Variants in STXBP5L observed in about 807,000 individuals in gnomAD.
STXBP5L encodes the protein syntaxin-binding protein 5-like.
Under a neutral mutation model 144.5 loss-of-function variants are expected in STXBP5L, and 65 were observed. The observed-to-expected ratio is 0.45, with a 90% confidence interval of 0.37 to 0.55. The LOEUF (loss-of-function observed/expected upper bound fraction) is 0.55. STXBP5L is among the 20% of genes least tolerant of loss of function. STXBP5L has a pLI of 0.00. For missense variants in STXBP5L, 1,298 were observed against 1,405.5 expected (o/e 0.92, Z 1.22); for synonymous variants, 505 against 469.6 (o/e 1.08, Z -0.97).
At position 121,157,432 on chromosome 3, in the gene STXBP5L, CT is replaced by C. The variant is rs372636884; in HGVS notation, c.754-69del. The C allele has an allele frequency of 4.0e-4, 557 of 1,403,288 alleles. 3 individuals are homozygous for C. In the East Asian group the frequency reaches 0.012, roughly 31 times the overall value. 86.9% of individuals were successfully genotyped at this position (1,403,288 alleles called of 1,614,324 possible). A position where few individuals can be genotyped will look rare whatever the true frequency, so the allele number is the denominator to read the frequency against. On this transcript the variant is annotated intron_variant, in intron 8 of 26. Coordinates refer to ENST00000471454, the MANE Select transcript of STXBP5L (RefSeq NM_001308330.2). Reference sequence around the variant, plus strand: ...ATAATTTTATATCAGAATAGTTTTTCTTTGGAATATAGAATGATATAACCTA... The same window carrying C: ...ATAATTTTATATCAGAATAGTTTTTCTTGGAATATAGAATGATATAACCTA...
At chr3:121,082,249 C>T (rs1306203515) in intron 5 of STXBP5L, among the ~76,000 whole-genome samples, 1 of 152,068 alleles carries the variant, frequency 6.6e-6, no homozygotes, top group African/African-American at 2.4e-5. Flanking sequence ...AATTCATGAA[C>T]ATAGTATGTC....
chr3:121,261,529 A>G (rs1336668338), intron 18 of STXBP5L, among the ~76,000 whole-genome samples: 1 of 152,180 alleles, frequency 6.6e-6, no homozygotes, highest in Non-Finnish European at 1.5e-5. Context: ...CAACCAAAAT[A>G]TAGATAAATC....
At chr3:121,002,561 T>C (rs1943874007) in intron 3 of STXBP5L, among the ~76,000 whole-genome samples, 1 of 152,220 alleles carries the variant, frequency 6.6e-6, no homozygotes, top group Admixed American at 6.5e-5. Context: ...GTTTATTTTG[T>C]TGTTGTTTTT....
At chr3:121,384,048 C>T (rs2046374112) in intron 22 of STXBP5L, among the ~76,000 whole-genome samples, 3 of 152,184 alleles carry the variant, frequency 2.0e-5, no homozygotes, top group Admixed American at 2.0e-4. Flanking sequence ...TAGGAAAATT[C>T]ATGAGTCAAA....
intron 9 of STXBP5L, among the ~76,000 whole-genome samples, chr3:121,191,804 T>A (rs566536275): frequency 2.6e-5 from 4 of 152,210 alleles, no homozygotes; most frequent in African/African-American, 9.6e-5. Context: ...TGCAGGGACA[T>A]GGATGAAGCT....
At chr3:121,072,574 C>T (rs769927974) in intron 5 of STXBP5L, among the ~76,000 whole-genome samples, 2 of 152,250 alleles carry the variant, frequency 1.3e-5, no homozygotes, top group Admixed American at 6.5e-5. Context: ...GTAACTTCCA[C>T]TCTCCTGCTC....
At chr3:121,258,960 G>A (rs961681350) in intron 17 of STXBP5L, 83 bp from the exon 18 acceptor site, 30 of 1,348,768 alleles carry the variant, frequency 2.2e-5, no homozygotes, top group Non-Finnish European at 2.8e-5. Flanking sequence ...TATTTCTGTA[G>A]CATGATTCTA....
At chr3:121,262,950 C>G (rs944374119) in intron 18 of STXBP5L, among the ~76,000 whole-genome samples, 1 of 152,186 alleles carries the variant, frequency 6.6e-6, no homozygotes, top group Non-Finnish European at 1.5e-5. Flanking sequence ...GATCTCCCAG[C>G]ACAGCGCTTG....
chr3:120,984,938 TCA>T (rs1418437833), intron 3 of STXBP5L, among the ~76,000 whole-genome samples: 3 of 152,104 alleles, frequency 2.0e-5, no homozygotes, highest in Admixed American at 6.6e-5. Context: ...TTTTTCCCAT[TCA>T]GTCTCTTATT....
intron 3 of STXBP5L, among the ~76,000 whole-genome samples, chr3:121,012,779 C>T (rs1944877314): frequency 6.6e-6 from 1 of 151,638 alleles, no homozygotes; most frequent in African/African-American, 2.4e-5. Context: ...TCTAATGATC[C>T]CATCACCCAA....
Position 121,117,079 on chromosome 3 carries a change from A to G in STXBP5L, c.605+2020A>G, listed in dbSNP as rs190425677. On this transcript the variant is annotated intron_variant, in intron 6 of 26. Coordinates refer to ENST00000471454, the MANE Select transcript of STXBP5L (RefSeq NM_001308330.2). ...TTTCATGGTTCAGATTACTACGTGAACTAGTGACTTATACTTTATTTTAAT... is the reference window on the plus strand; with the variant it reads ...TTTCATGGTTCAGATTACTACGTGAGCTAGTGACTTATACTTTATTTTAAT... 3.8e-3 allele frequency among the ~76,000 whole-genome samples: 576 copies of G among 152,002 alleles called. 8 individuals carry two copies. The highest frequency in any genetic ancestry group is 0.02 in the Middle Eastern group (6 of 294).
At chr3:120,965,487 T>G (rs1939452444) in intron 3 of STXBP5L, among the ~76,000 whole-genome samples, 2 of 152,230 alleles carry the variant, frequency 1.3e-5, no homozygotes, top group Non-Finnish European at 2.9e-5. Context: ...ACAAAATTTC[T>G]GAGCATTTGC....
chr3:121,245,099 A>C (rs562296771), intron 14 of STXBP5L, among the ~76,000 whole-genome samples: 28 of 152,274 alleles, frequency 1.8e-4, no homozygotes, highest in Admixed American at 6.5e-4. Flanking sequence ...AAACAATAAC[A>C]ACATAAAAAT....
intron 2 of STXBP5L, among the ~76,000 whole-genome samples, chr3:120,937,167 G>A (rs1710307658): frequency 6.6e-6 from 1 of 152,088 alleles, no homozygotes; most frequent in Non-Finnish European, 1.5e-5. Context: ...TTTTACTTAA[G>A]TAAACTAGTT....
intron 20 of STXBP5L, among the ~76,000 whole-genome samples, chr3:121,326,497 GT>G (rs1319805320): frequency 1.2e-4 from 18 of 151,890 alleles, no homozygotes; most frequent in Non-Finnish European, 2.7e-4. Flanking sequence ...AAATTCATAA[GT>G]ACATAAACTA....
chr3:121,035,832 A>T (rs74758050), intron 3 of STXBP5L, among the ~76,000 whole-genome samples: 2,930 of 152,256 alleles, frequency 0.019, 102 homozygotes, highest in African/African-American at 0.067. Flanking sequence ...CAATTTAGGG[A>T]AAGTTGCCAT....
At chr3:121,199,923 G>A (rs1253738864) in intron 9 of STXBP5L, among the ~76,000 whole-genome samples, 6 of 152,096 alleles carry the variant, frequency 3.9e-5, no homozygotes, top group African/African-American at 1.4e-4. Flanking sequence ...ATGTTCATCA[G>A]GGATATTGGC....
In STXBP5L at chr3:121,098,206, A is replaced by G. The variant is rs943528641; in HGVS notation, c.471-16719A>G. On this transcript the variant is annotated intron_variant, in intron 5 of 26. Coordinates refer to ENST00000471454, the MANE Select transcript of STXBP5L (RefSeq NM_001308330.2). Reference sequence around the variant, plus strand: ...TTTGATGACTGCCCTTTTTCAGTAGAAGGGGATATGTATTTTGGCTCACAG... The same window carrying G: ...TTTGATGACTGCCCTTTTTCAGTAGGAGGGGATATGTATTTTGGCTCACAG... 1.1e-4 allele frequency among the ~76,000 whole-genome samples: 17 copies of G among 152,106 alleles called. 1 individual carries two copies.
At chr3:120,984,199 G>A (rs1942070493) in intron 3 of STXBP5L, among the ~76,000 whole-genome samples, 1 of 152,156 alleles carries the variant, frequency 6.6e-6, no homozygotes, top group Admixed American at 6.5e-5. Context: ...GAAATCACAG[G>A]TCTAGAGTCT....
Sources: gnomAD v4.1 joint callset for allele counts (sites outside exome capture counted in the v4.1 genomes callset) on GRCh38, gnomAD v4.1.1 for gene constraint, MANE v1.5 for transcripts, NCBI Gene and HGNC (gene_info 2026-07-23, HGNC 2026-07-21) for gene names.